Variants in SENP1 observed in about 807,000 individuals in gnomAD.
SENP1 encodes sentrin-specific protease 1.
In SENP1, 21 loss-of-function variants were observed where a neutral mutation model predicts 93.0. The ratio of observed to expected loss-of-function variants is 0.23; its 90% CI spans 0.16 to 0.33. The LOEUF is 0.33. Ranked by LOEUF, SENP1 falls within the 10% of genes least tolerant of loss-of-function variation. The probability of loss-of-function intolerance (pLI) is 1.00; values close to 1 mark genes in which losing one functional copy is unlikely to be tolerated. For missense variants in SENP1, 591 were observed against 758.7 expected (o/e 0.78, Z 2.60); for synonymous variants, 256 against 259.6 (o/e 0.99, Z 0.13).
intron 13 of SENP1, among the ~76,000 whole-genome samples, chr12:48,060,405 G>A (rs1942878551): frequency 6.6e-6 from 1 of 152,130 alleles, no homozygotes; most frequent in African/African-American, 2.4e-5. Context: ...GCAGTACTCA[G>A]GATAATACAC....
chr12:48,064,168 T>C (rs1330455711), intron 12 of SENP1, among the ~76,000 whole-genome samples: 1 of 152,228 alleles, frequency 6.6e-6, no homozygotes. Context: ...ATTTTATATC[T>C]CTGGTCCAAA....
At chr12:48,045,700 C>A (rs1463255117) in intron 17 of SENP1, among the ~76,000 whole-genome samples, 2 of 151,988 alleles carry the variant, frequency 1.3e-5, no homozygotes. Context: ...GGATATGAGC[C>A]TAGGCCTAAA....
chr12:48,085,783 T>C (rs1007453197), intron 5 of SENP1, among the ~76,000 whole-genome samples: 3 of 151,480 alleles, frequency 2.0e-5, no homozygotes, highest in African/African-American at 4.9e-5. Context: ...AGGAACAGGC[T>C]TATTTTCTTA....
At chr12:48,088,006 G>C (rs1443927587) in intron 5 of SENP1, among the ~76,000 whole-genome samples, 10 of 151,760 alleles carry the variant, frequency 6.6e-5, no homozygotes, top group African/African-American at 2.4e-4. Flanking sequence ...AGTTTTGTTA[G>C]ATAGAGCTTA....
intron 13 of SENP1, among the ~76,000 whole-genome samples, chr12:48,055,998 TAA>T (rs1432101881): frequency 7.6e-6 from 1 of 130,850 alleles, no homozygotes; most frequent in African/African-American, 3.0e-5. Flanking sequence ...ATATATTATT[TAA>T]TATATATTTT....
chr12:48,105,456 C>T (rs115646828), intron 1 of SENP1: 1 of 519,010 alleles, frequency 1.9e-6, no homozygotes, highest in East Asian at 5.4e-5. Context: ...ATTTTCATAA[C>T]CTGAGCAGGA....
At chr12:48,084,447 G>GTTTTTTTTT (rs5798059) in intron 5 of SENP1, among the ~76,000 whole-genome samples, 11 of 109,448 alleles carry the variant, frequency 1.0e-4, no homozygotes, top group East Asian at 2.7e-4. Context: ...CTAATTTTGA[G>GTTTTTTTTT]TTTTTTTTTT....
chr12:48,059,315 T>C (rs1196174591), intron 13 of SENP1, among the ~76,000 whole-genome samples: 1 of 152,206 alleles, frequency 6.6e-6, no homozygotes, highest in South Asian at 2.1e-4. Context: ...GTGTGTCTCA[T>C]ATTCAAGTTT....
intron 13 of SENP1, among the ~76,000 whole-genome samples, chr12:48,059,691 C>T (rs1309523334): frequency 2.6e-5 from 4 of 151,910 alleles, no homozygotes; most frequent in Non-Finnish European, 5.9e-5. Flanking sequence ...TGATGGAATT[C>T]GTTGTATTCC....
At chr12:48,056,319 CATAT>C (rs1442288259) in intron 13 of SENP1, among the ~76,000 whole-genome samples, 2 of 77,628 alleles carry the variant, frequency 2.6e-5, no homozygotes, top group South Asian at 4.4e-4. Context: ...TTACATATCA[CATAT>C]ATAAATATTA....
Position 48,043,569 on chromosome 12 carries a change from T to C in SENP1, c.*1753A>G, listed in dbSNP as rs564341662. 4 of 152,394 alleles carry C rather than the reference T, an allele frequency of 2.6e-5. No homozygotes were observed. The highest frequency in any genetic ancestry group is 3.4e-3 in the Middle Eastern group (1 of 294). The allele number at this position is 152,394 out of a possible 1,614,324, so 9.4% of individuals were successfully genotyped here. On this transcript the variant is annotated 3_prime_UTR_variant, in exon 18 of 18. Coordinates refer to ENST00000549518, the MANE Select transcript of SENP1 (RefSeq NM_001267594.2). ...GTGAAGGTCCCCAGCAACTCATATA[T>C]AGAAAGCTATTTATTTCCTATAGAA...
chr12:48,077,601 A>G (rs1464311935), intron 6 of SENP1, among the ~76,000 whole-genome samples: 4 of 151,740 alleles, frequency 2.6e-5, no homozygotes, highest in African/African-American at 9.7e-5. Flanking sequence ...TTTTCGTCAT[A>G]CTTTAAGTTC....
At chr12:48,091,577 C>G (rs538889307) in intron 4 of SENP1, among the ~76,000 whole-genome samples, 2 of 152,268 alleles carry the variant, frequency 1.3e-5, no homozygotes, top group South Asian at 2.1e-4. Context: ...AAGTATCATT[C>G]TGGTAACCTA....
At chr12:48,057,941 C>CT (rs370210767) in intron 13 of SENP1, among the ~76,000 whole-genome samples, 14,941 of 85,272 alleles carry the variant, frequency 0.18, 1,935 homozygotes, top group African/African-American at 0.31. Flanking sequence ...TTTATTTCCT[C>CT]TTTTTTTTTT....
chr12:48,078,319 A>T (rs1489862969), intron 6 of SENP1, among the ~76,000 whole-genome samples: 2 of 62,844 alleles, frequency 3.2e-5, no homozygotes, highest in Non-Finnish European at 6.0e-5. Flanking sequence ...GTAGGATTTT[A>T]TATATATATA....
chr12:48,065,318 A>G, intron 11 of SENP1, 98 bp from the exon 12 acceptor site: 1 of 1,019,454 alleles, frequency 9.8e-7, no homozygotes. Context: ...TCATAAGTCA[A>G]AGAGCGTGCT....
At chr12:48,104,651 T>C (rs2137410439) in intron 1 of SENP1, among the ~76,000 whole-genome samples, 1 of 152,184 alleles carries the variant, frequency 6.6e-6, no homozygotes, top group South Asian at 2.1e-4. Flanking sequence ...GCCAGATCCA[T>C]AAACAGGTAC....
intron 13 of SENP1, among the ~76,000 whole-genome samples, chr12:48,060,969 T>A (rs1445205869): frequency 2.0e-5 from 3 of 152,194 alleles, no homozygotes; most frequent in Non-Finnish European, 4.4e-5. Flanking sequence ...TTTGAAGTTG[T>A]ACAGAATTTA....
At chr12:48,048,218 T>C (rs1941518836) in intron 14 of SENP1, 138 bp from the exon 15 acceptor site, 1 of 619,844 alleles carries the variant, frequency 1.6e-6, no homozygotes, top group Non-Finnish European at 2.9e-6. Flanking sequence ...TTTTGCATTA[T>C]ATTATGCTTA....
Sources: gnomAD v4.1 joint callset for allele counts (sites outside exome capture counted in the v4.1 genomes callset) on GRCh38, gnomAD v4.1.1 for gene constraint, MANE v1.5 for transcripts, NCBI Gene and HGNC (gene_info 2026-07-23, HGNC 2026-07-21) for gene names.